PDXDC1: variants seen among roughly 807,000 people sequenced by gnomAD.
The protein encoded by PDXDC1 is pyridoxal-dependent decarboxylase domain-containing protein 1.
In PDXDC1, 42 loss-of-function variants were observed where a neutral mutation model predicts 100.1. That is an observed-to-expected ratio of 0.42 (90% CI 0.33 to 0.54). The LOEUF is 0.54. PDXDC1 is among the 20% of genes least tolerant of loss of function. The probability of loss-of-function intolerance (pLI) is 0.10; values close to 1 mark genes in which losing one functional copy is unlikely to be tolerated. For synonymous variants in PDXDC1, 260 were observed against 371.7 expected (o/e 0.70, Z 3.46); for missense variants, 636 against 979.2 (o/e 0.65, Z 4.68).
chr16:15,079,564 G>C (rs1291727003), intron 16 of PDXDC1, among the ~76,000 whole-genome samples: 1 of 151,830 alleles, frequency 6.6e-6, no homozygotes, highest in Admixed American at 6.6e-5. Context: ...TTCAAAGAAA[G>C]GAAGCAAAGA....
At chr16:15,011,631 CTTT>C in intron 8 of PDXDC1, among the ~76,000 whole-genome samples, 11 of 131,276 alleles carry the variant, frequency 8.4e-5, no homozygotes, top group Non-Finnish European at 1.1e-4. Flanking sequence ...ACATTTTTTT[CTTT>C]TTTTTTTTTT....
intron 1 of PDXDC1, among the ~76,000 whole-genome samples, chr16:14,983,488 G>T (rs1348039176): frequency 6.7e-6 from 1 of 148,424 alleles, no homozygotes; most frequent in Non-Finnish European, 1.5e-5. Context: ...CAGGAGAATC[G>T]CTTGAACCCG....
intron 1 of PDXDC1, among the ~76,000 whole-genome samples, chr16:14,984,361 AT>A (rs1269768924): frequency 2.5e-5 from 3 of 121,482 alleles, no homozygotes; most frequent in African/African-American, 9.7e-5. Flanking sequence ...CTCAACTGTA[AT>A]GTCTCTAAAT....
intron 16 of PDXDC1, among the ~76,000 whole-genome samples, chr16:15,096,810 A>G (rs1332337266): frequency 2.0e-5 from 3 of 152,154 alleles, no homozygotes; most frequent in Admixed American, 1.3e-4. Context: ...CAGCCGCCCG[A>G]ACCCACACCA....
rs2047092011 is a variant in PDXDC1, at chr16:15,112,125, CTCAGA to C, written c.1400-26752_1400-26748del. ...ATTATCACAGTATGCTTTTAATCTT[CTCAGA>C]TATTAAGTATTTGTTCTCATCATAG... On this transcript the variant is annotated intron_variant, in intron 16 of 16. Coordinates refer to the PDXDC1 transcript ENST00000535621. Among the ~76,000 whole-genome samples the C allele has an allele frequency of 1.4e-5, 2 of 147,146 alleles. 1 individual carries two copies. Among genetic ancestry groups the C allele is most frequent in the African/African-American group, 4.9e-5 (2 of 41,096 alleles).
intron 16 of PDXDC1, chr16:15,131,848 G>C (rs1245004135): frequency 2.9e-6 from 1 of 343,524 alleles, no homozygotes; most frequent in South Asian, 3.4e-5. Context: ...GCAGAAGAAA[G>C]GGGGAAGCTG....
At chr16:15,065,393 C>G (rs551857965) in intron 16 of PDXDC1, 2 of 1,606,984 alleles carry the variant, frequency 1.2e-6, no homozygotes, top group South Asian at 2.2e-5. Context: ...AAAAACAACA[C>G]AGACAGAGGC....
At chr16:14,994,390 C>A (rs1000408607) in intron 1 of PDXDC1, among the ~76,000 whole-genome samples, 62 of 152,386 alleles carry the variant, frequency 4.1e-4, no homozygotes, top group African/African-American at 1.5e-3. Flanking sequence ...CATTTATTAA[C>A]AAGGGAATCC....
chr16:15,124,549 C>T (rs1316399086), intron 16 of PDXDC1, among the ~76,000 whole-genome samples: 4 of 150,474 alleles, frequency 2.7e-5, no homozygotes, highest in Non-Finnish European at 4.4e-5. Context: ...CCGAGGTGGG[C>T]GGATCACAAG....
At chr16:15,105,041 G>A (rs2046745494) in intron 16 of PDXDC1, among the ~76,000 whole-genome samples, 1 of 143,486 alleles carries the variant, frequency 7.0e-6, no homozygotes, top group African/African-American at 2.6e-5. Flanking sequence ...GGAAGACAGA[G>A]TCATAACAGA....
At chr16:15,131,306 T>A in intron 16 of PDXDC1, 4 of 1,576,634 alleles carry the variant, frequency 2.5e-6, no homozygotes, top group Non-Finnish European at 3.4e-6. Flanking sequence ...CCGGCCTGTG[T>A]CTGGAACGCC....
At chr16:15,040,111 G>A, downstream of PDXDC1, 1 of 1,094,334 alleles carries the variant, frequency 9.1e-7, no homozygotes. Context: ...AAAGACCAAA[G>A]CGGAAAGTCT....
intron 16 of PDXDC1, chr16:15,072,855 T>C (rs2045294780): frequency 1.6e-6 from 2 of 1,245,730 alleles, no homozygotes; most frequent in Admixed American, 2.2e-5. Flanking sequence ...AAAAGAATTA[T>C]TTACTTCATG....
rs574499625 is a variant in PDXDC1 at position 15,129,479 on chromosome 16, G to A, written c.1400-9400G>A. ...GAAAACAAAAAGGGAATGCCAGAAG[G>A]GCAATTCCAATGAAAGGAAAATAGA... is the stretch of plus-strand genomic sequence containing the variant. On this transcript the variant is annotated intron_variant, in intron 16 of 16. Coordinates refer to the PDXDC1 transcript ENST00000535621. Among the ~76,000 whole-genome samples the A allele has an allele frequency of 1.4e-4, 22 of 152,328 alleles. No homozygotes were observed. The South Asian group carries it at 3.5e-3, about 24-fold the overall frequency.
intron 12 of PDXDC1, among the ~76,000 whole-genome samples, chr16:15,021,462 G>A (rs2042202618): frequency 6.6e-6 from 1 of 152,292 alleles, no homozygotes; most frequent in Admixed American, 6.5e-5. Flanking sequence ...GTCTCACTGT[G>A]CTATTAGCTC....
chr16:15,131,630 T>C lies in PDXDC1; in HGVS notation c.1400-7249T>C, dbSNP rs1382225407. 64 of 1,596,602 alleles carry C rather than the reference T, an allele frequency of 4.0e-5. 1 individual carries two copies. The highest frequency in any genetic ancestry group is 5.0e-5 in the Admixed American group (3 of 59,696). ...AGGTTGTAGGCCTGGGACGCCACCA[T>C]CCGCGATGGTGACTCGGCTCCCAGC... On this transcript the variant is annotated intron_variant, in intron 16 of 16. Coordinates refer to the PDXDC1 transcript ENST00000535621.
At chr16:15,083,411 G>T in intron 16 of PDXDC1, 1 of 1,530,690 alleles carries the variant, frequency 6.5e-7, no homozygotes, top group Non-Finnish European at 8.8e-7. Context: ...AAAAGAAAAA[G>T]AAAAAGAAAG....
At position 15,135,190 on chromosome 16, in the gene PDXDC1, C is replaced by G. The variant is rs1598274363; in HGVS notation, c.1400-3689C>G. ...GAAACAGAGAGGGAAGAGCGCGCGG[C>G]CTCCACCAGCACTAAAACACGGAAA... On this transcript the variant is annotated intron_variant, in intron 16 of 16. Coordinates refer to the PDXDC1 transcript ENST00000535621. 3.7e-6 allele frequency: 3 copies of G among 806,518 alleles called. No individual in the cohort carries two copies. In the East Asian group the frequency reaches 8.0e-5, roughly 22 times the overall value. The allele number at this position is 806,518 out of a possible 1,614,324, so 50.0% of individuals were successfully genotyped here.
rs372708946 is a variant in PDXDC1 at position 15,065,323 on chromosome 16, G to A, written c.1399+35267G>A. 11 of 1,613,658 alleles carry A rather than the reference G, an allele frequency of 6.8e-6. No homozygotes were observed. The African/African-American group carries it at 1.1e-4, about 16-fold the overall frequency. On this transcript the variant is annotated intron_variant, in intron 16 of 16. Transcript: ENST00000535621. ...TACTCCTAATGACTGGCAGCATCTGGCGATTGTTCCTCTCAATGATGGTGT... is the reference window on the plus strand; with the variant it reads ...TACTCCTAATGACTGGCAGCATCTGACGATTGTTCCTCTCAATGATGGTGT...
Sources: gnomAD v4.1 joint callset for allele counts (sites outside exome capture counted in the v4.1 genomes callset) on GRCh38, gnomAD v4.1.1 for gene constraint, MANE v1.5 for transcripts, NCBI Gene and HGNC (gene_info 2026-07-23, HGNC 2026-07-21) for gene names.